Variants in CDH22 observed in about 807,000 individuals in gnomAD.
CDH22 encodes the protein cadherin 22, also known as cadherin-22.
Under a neutral mutation model 58.4 loss-of-function variants are expected in CDH22, and 30 were observed. The ratio of observed to expected loss-of-function variants is 0.51; its 90% CI spans 0.38 to 0.70. The LOEUF (loss-of-function observed/expected upper bound fraction) is 0.70. Among genes scored for constraint, CDH22 ranks in the 30% least tolerant of loss-of-function variants. The pLI is 0.00. For missense variants in CDH22, 1,014 were observed against 1,233.9 expected (o/e 0.82, Z 2.67); for synonymous variants, 513 against 558.2 (o/e 0.92, Z 1.14).
chr20:46,242,208 A>G (rs1439166470), intron 2 of CDH22, among the ~76,000 whole-genome samples: 1 of 152,134 alleles, frequency 6.6e-6, no homozygotes, highest in Non-Finnish European at 1.5e-5. Context: ...TTTATTTTAC[A>G]GATTTTTTTC....
At position 46,278,213 on chromosome 20, in the gene CDH22, C is replaced by A. The variant is rs1026066338; in HGVS notation, c.-399-26520G>T. 3.3e-5 allele frequency among the ~76,000 whole-genome samples: 5 copies of A among 152,308 alleles called. No homozygotes were observed. The South Asian group carries it at 6.2e-4, about 19-fold the overall frequency. ...CCCTCCAGTTCTACACTTCTGGGGG[C>A]AGTCCCCAGCTTTGCTTCTCGTGCT... On this transcript the variant is annotated intron_variant, in intron 1 of 11. Transcript: ENST00000537909.
chr20:46,211,306 T>C (rs574805508), intron 6 of CDH22, among the ~76,000 whole-genome samples: 2 of 152,110 alleles, frequency 1.3e-5, no homozygotes, highest in Admixed American at 1.3e-4. Context: ...GCGATCTGAT[T>C]GGCAAGAGTG....
rs1046269479 is a variant in CDH22 at position 46,251,941 on chromosome 20, C to T, written c.-399-248G>A. 2.0e-5 allele frequency among the ~76,000 whole-genome samples: 3 copies of T among 152,034 alleles called. No individual in the cohort carries two copies. The highest frequency in any genetic ancestry group is 4.4e-5 in the Non-Finnish European group (3 of 67,990). ...ATCATACGCCCTGTACTCCCAATCT[C>T]CTACGCCTTTCTCACAGCCCCTGCC... On this transcript the variant is annotated intron_variant, in intron 1 of 11. Coordinates refer to ENST00000537909, the MANE Select transcript of CDH22 (RefSeq NM_021248.3). This position sits in a 1 kb window ranked among gnomAD's most constrained non-coding sequence, Gnocchi z 6.7.
chr20:46,258,993 A>G (rs2086419451), intron 1 of CDH22, among the ~76,000 whole-genome samples: 1 of 152,218 alleles, frequency 6.6e-6, no homozygotes, highest in Non-Finnish European at 1.5e-5. Flanking sequence ...AAGCATTTCC[A>G]TACACATTAC....
intron 10 of CDH22, among the ~76,000 whole-genome samples, chr20:46,185,459 C>G (rs984385832): frequency 1.3e-5 from 2 of 152,106 alleles, no homozygotes; most frequent in Non-Finnish European, 2.9e-5. Flanking sequence ...ACCACTGACT[C>G]CCTATATGAC....
chr20:46,266,621 T>A (rs1276455383), intron 1 of CDH22, among the ~76,000 whole-genome samples: 1 of 152,206 alleles, frequency 6.6e-6, no homozygotes, highest in Non-Finnish European at 1.5e-5. Flanking sequence ...GCAGATGACA[T>A]TAAAGAATCT....
chr20:46,217,091 G>A, intron 4 of CDH22, 98 bp from the exon 5 acceptor site: 1 of 1,220,042 alleles, frequency 8.2e-7, no homozygotes, highest in Non-Finnish European at 1.1e-6. Flanking sequence ...GTGACTCCTG[G>A]GAAAATTAAG....
At chr20:46,303,677 A>G (rs538004101) in intron 1 of CDH22, among the ~76,000 whole-genome samples, 3 of 152,004 alleles carry the variant, frequency 2.0e-5, no homozygotes, top group African/African-American at 7.2e-5. Flanking sequence ...ATCTTCGGGG[A>G]AGGTTGTTCA....
At chr20:46,204,744 T>C (rs891870066) in intron 7 of CDH22, among the ~76,000 whole-genome samples, 3 of 152,172 alleles carry the variant, frequency 2.0e-5, no homozygotes, top group Non-Finnish European at 4.4e-5. Context: ...CAGGTACACC[T>C]GCTAGCATTT....
chr20:46,210,023 C>T lies in CDH22; in HGVS notation c.1286+284G>A, dbSNP rs2086028873. ...TGCAGCCAGCAGCGCGGAGACCCCG[C>T]CAGTGCAGTGCCCGCCTCTGTGTCT... On this transcript the variant is annotated intron_variant, in intron 7 of 11. Coordinates refer to ENST00000537909, the MANE Select transcript of CDH22 (RefSeq NM_021248.3). This position sits in a 1 kb window ranked among gnomAD's most constrained non-coding sequence, Gnocchi z 4.5. 2.8e-6 allele frequency: 1 copy of T among 358,294 alleles called. No homozygotes were observed. The allele number at this position is 358,294 out of a possible 1,614,324, so 22.2% of individuals were successfully genotyped here.
At chr20:46,184,527 C>T (rs1013126954) in intron 10 of CDH22, among the ~76,000 whole-genome samples, 1 of 152,188 alleles carries the variant, frequency 6.6e-6, no homozygotes, top group African/African-American at 2.4e-5. Flanking sequence ...TCCTCCACCC[C>T]AGCCACTTAT....
intron 1 of CDH22, among the ~76,000 whole-genome samples, chr20:46,297,953 C>T (rs1465340806): frequency 2.6e-5 from 4 of 152,186 alleles, no homozygotes; most frequent in East Asian, 3.9e-4. Context: ...TCCACCACTC[C>T]CCCTACCCAC....
intron 2 of CDH22, among the ~76,000 whole-genome samples, chr20:46,250,314 C>A (rs1393156800): frequency 6.6e-6 from 1 of 152,206 alleles, no homozygotes; most frequent in African/African-American, 2.4e-5. Flanking sequence ...ATAGAAAAGA[C>A]ACACATTAAT....
chr20:46,265,868 A>C (rs2086456917), intron 1 of CDH22, among the ~76,000 whole-genome samples: 2 of 144,152 alleles, frequency 1.4e-5, no homozygotes, highest in Non-Finnish European at 1.5e-5. Flanking sequence ...TTCCTGTTCC[A>C]CCTCCTGGTT....
In CDH22 at chr20:46,241,166, G is replaced by C. The variant is rs1187874583; in HGVS notation, c.347C>G (p.Thr116Arg). ...AGTIFLIDEL[T>R]GDIHAMERLD... The stretch of plus-strand genomic sequence containing the variant: ...GCGCTCCATGGCATGAATGTCGCCT[G>C]TCAGCTCGTCGATCAGGAAGATGGT... The change falls in exon 3 of 12, where the codon ACA (threonine) becomes AGA (arginine). Residue 116 changes from threonine to arginine, a missense_variant. Coordinates refer to ENST00000537909, the MANE Select transcript of CDH22 (RefSeq NM_021248.3). This position sits in a 1 kb window ranked among gnomAD's most constrained non-coding sequence, Gnocchi z 5.2. 6.2e-7 allele frequency: 1 copy of C among 1,614,162 alleles called. No individual in the cohort carries two copies. The highest frequency in any genetic ancestry group is 1.7e-5 in the Admixed American group (1 of 60,018).
chr20:46,306,476 C>T (rs986951744), intron 1 of CDH22, among the ~76,000 whole-genome samples: 1 of 152,254 alleles, frequency 6.6e-6, no homozygotes, highest in Non-Finnish European at 1.5e-5. Flanking sequence ...TGAGAGAGAC[C>T]TGGCTGGCTT....
At chr20:46,192,711 G>A (rs1182049287) in intron 8 of CDH22, among the ~76,000 whole-genome samples, 3 of 152,172 alleles carry the variant, frequency 2.0e-5, no homozygotes, top group South Asian at 2.1e-4. Flanking sequence ...CCTCCTCCCC[G>A]AGGGAGTTAA....
chr20:46,274,990 G>A (rs2086510405), intron 1 of CDH22, among the ~76,000 whole-genome samples: 1 of 152,204 alleles, frequency 6.6e-6, no homozygotes, highest in Non-Finnish European at 1.5e-5. Context: ...TTTCTGGGGT[G>A]AAAGGAATGT....
At chr20:46,299,663 T>C (rs1418231077) in intron 1 of CDH22, among the ~76,000 whole-genome samples, 1 of 152,262 alleles carries the variant, frequency 6.6e-6, no homozygotes, top group Non-Finnish European at 1.5e-5. Context: ...ACAGTATTAG[T>C]AGCTAGGGCT....
Sources: gnomAD v4.1 joint callset for allele counts (sites outside exome capture counted in the v4.1 genomes callset) on GRCh38, gnomAD v4.1.1 for gene constraint, Gnocchi (gnomAD v3.1) non-coding constraint, MANE v1.5 for transcripts, NCBI Gene and HGNC (gene_info 2026-07-23, HGNC 2026-07-21) for gene names.